WDR88: variants seen among roughly 807,000 people sequenced by gnomAD.
The protein encoded by WDR88 is WD repeat-containing protein 88.
In WDR88, 40 loss-of-function variants were observed where a neutral mutation model predicts 46.8. The ratio of observed to expected loss-of-function variants is 0.86; its 90% CI spans 0.66 to 1.11. The LOEUF is 1.11. WDR88 is among the 50% of genes most tolerant of loss of function. WDR88 has a pLI of 0.00. For missense variants in WDR88, 562 were observed against 602.4 expected (o/e 0.93, Z 0.70); for synonymous variants, 235 against 240.7 (o/e 0.98, Z 0.22).
intron 5 of WDR88, among the ~76,000 whole-genome samples, chr19:33,149,391 G>T (rs995148668): frequency 6.6e-6 from 1 of 151,940 alleles, no homozygotes; most frequent in East Asian, 1.9e-4. Flanking sequence ...ATCCTCTTCA[G>T]TTAATGCTTT....
At chr19:33,171,843 G>C (rs983359426) in intron 9 of WDR88, among the ~76,000 whole-genome samples, 1 of 152,088 alleles carries the variant, frequency 6.6e-6, no homozygotes, top group African/African-American at 2.4e-5. Flanking sequence ...GTGCGATCTT[G>C]GCTCACTGCA....
At chr19:33,142,015 G>A (rs1004375546) in intron 2 of WDR88, among the ~76,000 whole-genome samples, 1 of 152,176 alleles carries the variant, frequency 6.6e-6, no homozygotes, top group Non-Finnish European at 1.5e-5. Context: ...AAAGGTATTT[G>A]GATTTGAGGT....
chr19:33,148,178 C>T (rs1000264937), intron 4 of WDR88, among the ~76,000 whole-genome samples: 2 of 151,886 alleles, frequency 1.3e-5, no homozygotes, highest in Non-Finnish European at 2.9e-5. Flanking sequence ...GGGGGTCACT[C>T]TCCGTCCATC....
chr19:33,160,347 G>A, intron 7 of WDR88, 67 bp from the exon 8 acceptor site: 1 of 1,533,772 alleles, frequency 6.5e-7, no homozygotes. Context: ...GGCATCTTCA[G>A]CTGGCTTTGG....
chr19:33,134,875 A>AG (rs1326055428), intron 1 of WDR88, among the ~76,000 whole-genome samples: 1 of 113,604 alleles, frequency 8.8e-6, no homozygotes, highest in Non-Finnish European at 1.8e-5. Flanking sequence ...TGCAACCGGA[A>AG]GGCCACCGCC....
intron 1 of WDR88, among the ~76,000 whole-genome samples, chr19:33,136,056 ATTT>A (rs34431041): frequency 1.5e-5 from 2 of 136,072 alleles, no homozygotes; most frequent in Non-Finnish European, 1.6e-5. Flanking sequence ...CACTCGGCTA[ATTT>A]TTTTTTTTTT....
chr19:33,158,959 C>T (rs1356610779), intron 7 of WDR88, among the ~76,000 whole-genome samples: 4 of 152,128 alleles, frequency 2.6e-5, no homozygotes, highest in African/African-American at 7.2e-5. Context: ...CTCAGCCTCC[C>T]AAAGTGCTGG....
chr19:33,175,252 C>G, intron 10 of WDR88, 144 bp from the exon 11 acceptor site: 1 of 750,516 alleles, frequency 1.3e-6, no homozygotes, highest in South Asian at 3.7e-5. Context: ...AAAACAAAAA[C>G]AAACAAACAA....
At chr19:33,170,088 G>A (rs1599918538) in intron 9 of WDR88, among the ~76,000 whole-genome samples, 1 of 152,158 alleles carries the variant, frequency 6.6e-6, no homozygotes, top group African/African-American at 2.4e-5. Context: ...TGTTGGTCAG[G>A]CTGGTCTTGA....
chr19:33,144,910 A>G lies in WDR88; in HGVS notation c.454A>G (p.Ser152Gly), dbSNP rs556019352. The G allele has an allele frequency of 6.8e-6, 11 of 1,613,598 alleles. No homozygotes were observed. The highest frequency in any genetic ancestry group is 6.6e-5 in the South Asian group (6 of 90,886). ...GCCCAAAGCTCCTGTTGTAGAGTGC[A>G]GCATCACCGGCGACAGCAGCAGGTG... is the stretch of plus-strand genomic sequence containing the variant. ...HRPKAPVVECSITGDSSRVIA... is the reference protein window; with the variant it reads ...HRPKAPVVECGITGDSSRVIA... The change falls in exon 3 of 11, where the codon AGC (serine) becomes GGC (glycine). Residue 152 changes from serine to glycine, a missense_variant. Transcript: ENST00000355868.
At chr19:33,132,624 C>A (rs905313802) in intron 1 of WDR88, among the ~76,000 whole-genome samples, 179 bp downstream of exon 1, 2 of 152,202 alleles carry the variant, frequency 1.3e-5, no homozygotes, top group Non-Finnish European at 2.9e-5. Flanking sequence ...CCCACCTGAG[C>A]AGGGCGTGCT....
chr19:33,162,367 A>AT (rs111650843), intron 8 of WDR88, among the ~76,000 whole-genome samples: 26 of 148,630 alleles, frequency 1.7e-4, no homozygotes, highest in Non-Finnish European at 2.2e-4. Context: ...TGCCCGGCTA[A>AT]TTTTTTTTTT....
In WDR88 at chr19:33,175,441, T is replaced by C; in HGVS notation, c.1288T>C (p.Ser430Pro). The C allele has an allele frequency of 1.2e-6, 2 of 1,614,156 alleles. No individual in the cohort carries two copies. The highest frequency in any genetic ancestry group is 1.7e-6 in the Non-Finnish European group (2 of 1,180,030). Residue 430 changes from serine (S) to proline (P), a missense_variant, in exon 11 of 11, where the codon TCT becomes CCT. Coordinates refer to ENST00000355868, the MANE Select transcript of WDR88 (RefSeq NM_173479.4). ...RPFSIFKSDT[S>P]SEMFTQCVFC... Reference sequence around the variant, plus strand: ...TTTCTCCATCTTCAAGAGTGACACCTCTTCTGAAATGTTCACCCAATGCGT... The same window carrying C: ...TTTCTCCATCTTCAAGAGTGACACCCCTTCTGAAATGTTCACCCAATGCGT...
At chr19:33,139,802 G>A (rs1326466345) in intron 2 of WDR88, among the ~76,000 whole-genome samples, 3 of 152,058 alleles carry the variant, frequency 2.0e-5, no homozygotes, top group Non-Finnish European at 4.4e-5. Context: ...GGAAATGGGA[G>A]AAAATATGCA....
chr19:33,172,566 GC>G, intron 10 of WDR88, 126 bp downstream of exon 10: 1 of 754,178 alleles, frequency 1.3e-6, no homozygotes, highest in East Asian at 2.7e-5. Flanking sequence ...TGACATTTTT[GC>G]CCCAGGGGAG....
intron 7 of WDR88, 38 bp from the exon 8 acceptor site, chr19:33,160,376 G>A (rs1428809334): frequency 2.5e-6 from 4 of 1,610,082 alleles, no homozygotes; most frequent in Admixed American, 1.7e-5. Context: ...GGCTTGGAAA[G>A]TTGACCCCCA....
intron 6 of WDR88, among the ~76,000 whole-genome samples, chr19:33,152,643 C>T (rs1302094351): frequency 2.6e-5 from 4 of 152,138 alleles, no homozygotes; most frequent in Non-Finnish European, 5.9e-5. Context: ...GCTATGTCCC[C>T]CAGGCTGGAG....
At chr19:33,157,712 TATATATATATATATATATATATATAA>T (rs1249063163) in intron 7 of WDR88, among the ~76,000 whole-genome samples, 1,801 of 81,946 alleles carry the variant, frequency 0.022, 94 homozygotes, top group Middle Eastern at 0.032. Flanking sequence ...TATATATATA[TATATATATATATATATATATATATAA>T]AATTAAAGAG....
intron 2 of WDR88, among the ~76,000 whole-genome samples, chr19:33,140,650 T>C (rs1450412061): frequency 6.6e-6 from 1 of 151,736 alleles, no homozygotes; most frequent in Non-Finnish European, 1.5e-5. Flanking sequence ...ATTAGCTGGG[T>C]GTGGTGGCAG....
Sources: gnomAD v4.1 joint callset for allele counts (sites outside exome capture counted in the v4.1 genomes callset) on GRCh38, gnomAD v4.1.1 for gene constraint, MANE v1.5 for transcripts, NCBI Gene and HGNC (gene_info 2026-07-23, HGNC 2026-07-21) for gene names.